Variants in UBE2Q2 observed in about 807,000 individuals in gnomAD.
UBE2Q2 encodes ubiquitin conjugating enzyme E2 Q2, also known as ubiquitin-conjugating enzyme E2 Q2.
UBE2Q2 carries 54 observed loss-of-function variants against 59.9 expected under a neutral mutation model. The observed-to-expected ratio is 0.90, with a 90% CI of 0.72 to 1.13. The LOEUF (loss-of-function observed/expected upper bound fraction) is 1.13, where lower values mean the gene tolerates loss of function less well. Ranked by LOEUF, UBE2Q2 falls within the 50% of genes most tolerant of loss-of-function variation. The pLI is 0.00. For synonymous variants in UBE2Q2, 165 were observed against 155.2 expected (o/e 1.06, Z -0.47); for missense variants, 433 against 441.9 (o/e 0.98, Z 0.18).
chr15:75,854,021 T>C (rs1380069149), intron 1 of UBE2Q2, among the ~76,000 whole-genome samples: 1 of 152,174 alleles, frequency 6.6e-6, no homozygotes, highest in Non-Finnish European at 1.5e-5. Flanking sequence ...TAGCCTAATC[T>C]CAGAAGTGAT....
chr15:75,848,143 A>T (rs1298533781), intron 1 of UBE2Q2, among the ~76,000 whole-genome samples: 1 of 152,168 alleles, frequency 6.6e-6, no homozygotes, highest in Non-Finnish European at 1.5e-5. Flanking sequence ...GCAAGAGAGC[A>T]TATAGAGGAA....
At chr15:75,876,136 C>T (rs1898066101) in intron 5 of UBE2Q2, 51 bp from the exon 6 acceptor site, 1 of 1,514,502 alleles carries the variant, frequency 6.6e-7, no homozygotes, top group Admixed American at 1.9e-5. Context: ...GTTGAAATAT[C>T]TTAAATCTTA....
At chr15:75,866,225 T>C (rs1023181752) in intron 3 of UBE2Q2, among the ~76,000 whole-genome samples, 14 of 152,054 alleles carry the variant, frequency 9.2e-5, no homozygotes, top group African/African-American at 3.4e-4. Context: ...CAGGCTAGAG[T>C]GCAGTGGTGT....
intron 1 of UBE2Q2, among the ~76,000 whole-genome samples, chr15:75,847,686 T>G (rs142705825): frequency 4.1e-4 from 63 of 152,242 alleles, no homozygotes; most frequent in African/African-American, 1.4e-3. Flanking sequence ...GGAGCTAGTA[T>G]ATGGCTTTAG....
chr15:75,859,506 GTTATTTTTTGTTT>G (rs1897102806), intron 2 of UBE2Q2, among the ~76,000 whole-genome samples: 1 of 152,024 alleles, frequency 6.6e-6, no homozygotes, highest in South Asian at 2.1e-4. Context: ...TATTTTTTCT[GTTATTTTTTGTTT>G]TTATTTTTTT....
At chr15:75,893,445 A>G (rs1322157868) in intron 11 of UBE2Q2, among the ~76,000 whole-genome samples, 2 of 152,206 alleles carry the variant, frequency 1.3e-5, no homozygotes, top group Admixed American at 6.5e-5. Context: ...CAAAATACCC[A>G]GGAAAAACTG....
chr15:75,871,011 A>G (rs563961221), intron 4 of UBE2Q2, among the ~76,000 whole-genome samples: 3 of 152,308 alleles, frequency 2.0e-5, no homozygotes, highest in South Asian at 4.1e-4. Context: ...CCAGCCTCTG[A>G]GTTCCCTTAG....
At chr15:75,865,077 G>A (rs1897387146) in intron 3 of UBE2Q2, among the ~76,000 whole-genome samples, 1 of 152,228 alleles carries the variant, frequency 6.6e-6, no homozygotes, top group Non-Finnish European at 1.5e-5. Flanking sequence ...CATAATTAGA[G>A]TGAATACTTG....
intron 9 of UBE2Q2, among the ~76,000 whole-genome samples, chr15:75,886,787 T>G (rs1306015431): frequency 6.6e-6 from 1 of 151,662 alleles, no homozygotes; most frequent in Non-Finnish European, 1.5e-5. Context: ...ATCGGGAAGC[T>G]GAGGCAGGAG....
chr15:75,881,702 T>G (rs1314143158), intron 8 of UBE2Q2, among the ~76,000 whole-genome samples: 1 of 152,102 alleles, frequency 6.6e-6, no homozygotes, highest in East Asian at 1.9e-4. Flanking sequence ...GGTGACAACT[T>G]GAATAATAAG....
At chr15:75,874,752 A>G (rs187153820) in intron 5 of UBE2Q2, among the ~76,000 whole-genome samples, 1 of 152,322 alleles carries the variant, frequency 6.6e-6, no homozygotes, top group Admixed American at 6.5e-5. Context: ...ATGTGTGTAT[A>G]TATATAAAAT....
chr15:75,880,058 ATATTT>A (rs1207627254), intron 8 of UBE2Q2, among the ~76,000 whole-genome samples: 1 of 152,106 alleles, frequency 6.6e-6, no homozygotes, highest in Admixed American at 6.5e-5. Flanking sequence ...GTATATCTCT[ATATTT>A]TATGTACTTT....
chr15:75,871,233 C>T (rs961972123), intron 4 of UBE2Q2, among the ~76,000 whole-genome samples: 3 of 152,250 alleles, frequency 2.0e-5, no homozygotes, highest in African/African-American at 7.2e-5. Flanking sequence ...TGTCCCACCT[C>T]CAGCCCTAAG....
At chr15:75,850,194 C>T (rs1896557554) in intron 1 of UBE2Q2, among the ~76,000 whole-genome samples, 2 of 152,146 alleles carry the variant, frequency 1.3e-5, no homozygotes, top group Admixed American at 6.5e-5. Context: ...GAAAACAAAA[C>T]CTTCTTATTG....
intron 11 of UBE2Q2, among the ~76,000 whole-genome samples, 178 bp downstream of exon 11, chr15:75,891,192 C>G (rs1016851145): frequency 6.6e-6 from 1 of 152,028 alleles, no homozygotes; most frequent in Non-Finnish European, 1.5e-5. Context: ...ATTAAAGATA[C>G]TAATTGATAA....
rs1273535411 is a variant in UBE2Q2, at chr15:75,843,808, T to C, written c.142T>C (p.Ser48Pro). Residue 48 changes from serine to proline, a missense_variant, in exon 1 of 13, where the codon TCG becomes CCG. By Grantham distance (74) the Ser-to-Pro change is moderately conservative. Coordinates refer to ENST00000267938, the MANE Select transcript of UBE2Q2 (RefSeq NM_173469.4). ...FLVPQQGSPHSLPPPLTLHCN... is the reference protein window; with the variant it reads ...FLVPQQGSPHPLPPPLTLHCN... ...GGTGCCGCAGCAGGGCAGCCCGCAC[T>C]CGCTGCCGCCGCCACTCACGCTCCA... 2 of 1,600,954 alleles carry C rather than the reference T, an allele frequency of 1.2e-6. No homozygotes were observed. The highest frequency in any genetic ancestry group is 1.7e-5 in the Admixed American group (1 of 58,788).
chr15:75,857,149 T>C (rs1273954575), intron 2 of UBE2Q2, among the ~76,000 whole-genome samples: 1 of 152,098 alleles, frequency 6.6e-6, no homozygotes, highest in Non-Finnish European at 1.5e-5. Flanking sequence ...AAGGTTTGTA[T>C]GGAGAGCCAT....
At chr15:75,865,555 T>C (rs1187758648) in intron 3 of UBE2Q2, among the ~76,000 whole-genome samples, 1 of 152,178 alleles carries the variant, frequency 6.6e-6, no homozygotes, top group East Asian at 1.9e-4. Flanking sequence ...GAGGATCAAT[T>C]TCTTCTTTTA....
chr15:75,874,034 C>G (rs534206734), intron 5 of UBE2Q2, among the ~76,000 whole-genome samples: 12 of 152,056 alleles, frequency 7.9e-5, no homozygotes, highest in Non-Finnish European at 1.6e-4. Context: ...CGTTTCTTAT[C>G]TATAGATAGC....
Sources: gnomAD v4.1 joint callset for allele counts (sites outside exome capture counted in the v4.1 genomes callset) on GRCh38, gnomAD v4.1.1 for gene constraint, MANE v1.5 for transcripts, NCBI Gene and HGNC (gene_info 2026-07-23, HGNC 2026-07-21) for gene names.